Variants in MGAT4C observed in about 807,000 individuals in gnomAD.
The protein encoded by MGAT4C is alpha-1,3-mannosyl-glycoprotein 4-beta-N-acetylglucosaminyltransferase C.
In MGAT4C, 19 loss-of-function variants were observed where a neutral mutation model predicts 40.1. The observed-to-expected ratio is 0.47, with a 90% CI of 0.33 to 0.70. The LOEUF (loss-of-function observed/expected upper bound fraction) is 0.70, where lower values mean the gene tolerates loss of function less well. MGAT4C is among the 30% of genes least tolerant of loss of function. The probability of loss-of-function intolerance (pLI) is 0.02; values close to 1 mark genes in which losing one functional copy is unlikely to be tolerated. For synonymous variants in MGAT4C, 181 were observed against 187.1 expected (o/e 0.97, Z 0.27); for missense variants, 491 against 563.2 (o/e 0.87, Z 1.30).
At chr12:86,175,013 A>G (rs1593146107) in intron 1 of MGAT4C, among the ~76,000 whole-genome samples, 1 of 152,232 alleles carries the variant, frequency 6.6e-6, no homozygotes, top group East Asian at 1.9e-4. Flanking sequence ...TATAGCATAA[A>G]TTTCTATATG....
In MGAT4C at chr12:86,129,719, C is replaced by G. The variant is rs1880888595; in HGVS notation, c.-56-79996G>C. Among the ~76,000 whole-genome samples the G allele has an allele frequency of 3.6e-5, 2 of 55,234 alleles. 1 individual carries two copies. Among genetic ancestry groups the G allele is most frequent in the Admixed American group, 4.0e-4 (2 of 5,040 alleles). The allele number at this position is 55,234 out of a possible 152,430, so 36.2% of individuals were successfully genotyped here. On this transcript the variant is annotated intron_variant, in intron 1 of 4. Transcript: ENST00000611864. ...GGACTACACGCGCCCGCCACTACGC[C>G]CGGCTAATTTTTTGTATTTTTAGTA...
intron 2 of MGAT4C, among the ~76,000 whole-genome samples, chr12:86,518,898 T>A (rs1199758316): frequency 6.6e-6 from 1 of 152,036 alleles, no homozygotes; most frequent in South Asian, 2.1e-4. Context: ...ATAAAATGGA[T>A]GAATCAATAA....
intron 1 of MGAT4C, among the ~76,000 whole-genome samples, chr12:86,190,861 G>C (rs976979568): frequency 6.6e-6 from 1 of 151,932 alleles, no homozygotes; most frequent in Admixed American, 6.6e-5. Flanking sequence ...GCCTCATCTA[G>C]TCAGTCAAAT....
chr12:86,802,139 C>G (rs1952241591), intron 1 of MGAT4C, among the ~76,000 whole-genome samples: 1 of 151,902 alleles, frequency 6.6e-6, no homozygotes, highest in Non-Finnish European at 1.5e-5. Flanking sequence ...TTATACCACA[C>G]AAGGTGCCAT....
At chr12:86,675,928 A>G (rs1197316818) in intron 2 of MGAT4C, among the ~76,000 whole-genome samples, 1 of 151,698 alleles carries the variant, frequency 6.6e-6, no homozygotes, top group Non-Finnish European at 1.5e-5. Context: ...TCTTAGTTCT[A>G]TCTAACTTTA....
chr12:86,794,972 A>C (rs1341856322), intron 1 of MGAT4C, among the ~76,000 whole-genome samples: 2 of 151,942 alleles, frequency 1.3e-5, no homozygotes, highest in Non-Finnish European at 2.9e-5. Context: ...TCAAAAACAT[A>C]TTTGATCTGA....
At chr12:86,053,682 C>T (rs1339956936) in intron 1 of MGAT4C, among the ~76,000 whole-genome samples, 1 of 151,950 alleles carries the variant, frequency 6.6e-6, no homozygotes, top group African/African-American at 2.4e-5. Context: ...AACCGTGTAT[C>T]TCCTAAGTTA....
chr12:86,458,014 C>CT (rs1210670762), intron 2 of MGAT4C, among the ~76,000 whole-genome samples: 1 of 152,008 alleles, frequency 6.6e-6, no homozygotes, highest in African/African-American at 2.4e-5. Flanking sequence ...TAAATTAAAA[C>CT]TTTTTTGTCA....
At chr12:86,400,120 G>A (rs1313822309) in intron 3 of MGAT4C, among the ~76,000 whole-genome samples, 1 of 152,198 alleles carries the variant, frequency 6.6e-6, no homozygotes, top group Non-Finnish European at 1.5e-5. Context: ...GCTGGTATCT[G>A]CTGCAGAATT....
At chr12:86,497,644 T>C (rs1159038570) in intron 2 of MGAT4C, among the ~76,000 whole-genome samples, 1 of 151,658 alleles carries the variant, frequency 6.6e-6, no homozygotes, top group Non-Finnish European at 1.5e-5. Flanking sequence ...TAATACCAGA[T>C]AACTTTATGG....
chr12:86,718,197 T>C (rs1950678995), intron 2 of MGAT4C, among the ~76,000 whole-genome samples: 1 of 152,218 alleles, frequency 6.6e-6, no homozygotes, highest in South Asian at 2.1e-4. Context: ...ACCATGATGG[T>C]AAAATAAACT....
intron 1 of MGAT4C, among the ~76,000 whole-genome samples, chr12:86,226,804 T>C (rs1951099979): frequency 6.6e-6 from 1 of 152,048 alleles, no homozygotes; most frequent in African/African-American, 2.4e-5. Context: ...TTTTAAATTC[T>C]CTCCTCTCTA....
chr12:86,551,637 C>T (rs1959368085), intron 2 of MGAT4C, among the ~76,000 whole-genome samples: 1 of 152,166 alleles, frequency 6.6e-6, no homozygotes, highest in African/African-American at 2.4e-5. Context: ...GTGGCTGTGC[C>T]CCCACCCAGA....
chr12:86,445,721 C>T (rs980817243), intron 2 of MGAT4C, among the ~76,000 whole-genome samples: 2 of 152,064 alleles, frequency 1.3e-5, no homozygotes, highest in African/African-American at 2.4e-5. Flanking sequence ...AATGAGCAAA[C>T]TTTTGCTATA....
At chr12:86,827,094 C>G (rs915272392) in intron 1 of MGAT4C, among the ~76,000 whole-genome samples, 5 of 151,212 alleles carry the variant, frequency 3.3e-5, no homozygotes, top group African/African-American at 1.2e-4. Context: ...AAAAACATTT[C>G]AGACACAAGG....
At chr12:86,817,164 TA>T (rs1952622881) in intron 1 of MGAT4C, among the ~76,000 whole-genome samples, 1 of 151,210 alleles carries the variant, frequency 6.6e-6, no homozygotes, top group South Asian at 2.1e-4. Context: ...TTTTAATTTA[TA>T]CACTACTTTA....
chr12:86,359,846 C>T (rs1474929823), intron 3 of MGAT4C, among the ~76,000 whole-genome samples: 3 of 152,164 alleles, frequency 2.0e-5, no homozygotes, highest in African/African-American at 7.2e-5. Context: ...TAATCACCTA[C>T]CAACCAAAAA....
chr12:86,449,884 G>A (rs1246608253), intron 2 of MGAT4C, among the ~76,000 whole-genome samples: 2 of 151,960 alleles, frequency 1.3e-5, no homozygotes, highest in African/African-American at 4.8e-5. Context: ...ATTTTGCTTT[G>A]ACTGTTTAAT....
intron 4 of MGAT4C, among the ~76,000 whole-genome samples, chr12:86,266,784 A>AT (rs1056389431): frequency 3.8e-3 from 566 of 147,278 alleles, no homozygotes; most frequent in Non-Finnish European, 6.3e-3. Context: ...TTGTTGAAAG[A>AT]TTTTTTTTTT....
Sources: allele counts gnomAD v4.1 joint callset (sites outside exome capture counted in the v4.1 genomes callset), GRCh38; gene constraint gnomAD v4.1.1; transcripts MANE v1.5; gene names NCBI Gene and HGNC (gene_info 2026-07-23, HGNC 2026-07-21).